CSMD1: variants seen among roughly 807,000 people sequenced by gnomAD.
The protein encoded by CSMD1 is CUB and Sushi multiple domains 1.
A neutral mutation model predicts 417.5 loss-of-function variants in CSMD1; 213 were observed. That is an observed-to-expected ratio of 0.51 (90% CI 0.46 to 0.57). CSMD1 has a LOEUF of 0.57. CSMD1 is among the 20% of genes least tolerant of loss of function. CSMD1 has a pLI of 0.00. For synonymous variants in CSMD1, 2,862 were observed against 1,736.8 expected (o/e 1.65, Z -16.11); for missense variants, 6,923 against 4,529.7 (o/e 1.53, Z -15.17).
intron 6 of CSMD1, among the ~76,000 whole-genome samples, chr8:3,728,206 T>C (rs1453004444): frequency 1.3e-5 from 2 of 152,178 alleles, no homozygotes; most frequent in Non-Finnish European, 2.9e-5. Context: ...ATAAGTCTCA[T>C]GTGATCTGAT....
intron 10 of CSMD1, among the ~76,000 whole-genome samples, chr8:3,555,145 C>T (rs1480099907): frequency 6.6e-6 from 1 of 151,756 alleles, no homozygotes; most frequent in East Asian, 2.0e-4. Flanking sequence ...TGAGCAAAAC[C>T]TAGGCCAGAA....
chr8:3,434,546 A>T lies in CSMD1; in HGVS notation c.1562-24941T>A, dbSNP rs555461004. On this transcript the variant is annotated intron_variant, in intron 12 of 69. Coordinates refer to ENST00000635120, the MANE Select transcript of CSMD1 (RefSeq NM_033225.6). ...TCTGCCTTGATTATGAAGTACAAAT[A>T]TTTCCTTCTAAATAGTGAACATAAT... Among the ~76,000 whole-genome samples, 24 of 152,264 alleles carry T rather than the reference A, an allele frequency of 1.6e-4. No individual in the cohort carries two copies. The South Asian group carries it at 1.7e-3, about 11-fold the overall frequency.
chr8:3,412,816 G>A lies in CSMD1; in HGVS notation c.1562-3211C>T, dbSNP rs1033952641. Among the ~76,000 whole-genome samples, 2 of 152,222 alleles carry A rather than the reference G, an allele frequency of 1.3e-5. 1 individual carries two copies. Among genetic ancestry groups the A allele is most frequent in the African/African-American group, 4.8e-5 (2 of 41,460 alleles). On this transcript the variant is annotated intron_variant, in intron 12 of 69. Transcript: ENST00000635120. ...GGGAATGGATTTACTTAAATTTAAT[G>A]CTTGGGATGCCTTGAATGAGCGTCT...
At chr8:3,593,928 A>G (rs970644188) in intron 8 of CSMD1, among the ~76,000 whole-genome samples, 1 of 152,110 alleles carries the variant, frequency 6.6e-6, no homozygotes, top group Non-Finnish European at 1.5e-5. Flanking sequence ...ACGTAGAATC[A>G]GTTATATGGG....
chr8:3,845,957 C>T (rs1803474744), intron 5 of CSMD1, among the ~76,000 whole-genome samples: 1 of 152,012 alleles, frequency 6.6e-6, no homozygotes, highest in South Asian at 2.1e-4. Flanking sequence ...CCACTGCAGG[C>T]TCCTCAGGGG....
At chr8:4,796,269 A>G (rs551713593) in intron 1 of CSMD1, among the ~76,000 whole-genome samples, 1 of 152,086 alleles carries the variant, frequency 6.6e-6, no homozygotes, top group African/African-American at 2.4e-5. Context: ...TGGAACAAGG[A>G]GCTGGCCAGA....
At chr8:3,077,337 C>T (rs1813755859) in intron 49 of CSMD1, among the ~76,000 whole-genome samples, 1 of 152,154 alleles carries the variant, frequency 6.6e-6, no homozygotes, top group Non-Finnish European at 1.5e-5. Context: ...TGCCTGGGGA[C>T]TGAGCCCTGA....
intron 48 of CSMD1, 84 bp from the exon 49 acceptor site, chr8:3,087,369 G>C: frequency 2.9e-6 from 4 of 1,359,818 alleles, no homozygotes; most frequent in African/African-American, 1.4e-5. Flanking sequence ...GTCTATAAAT[G>C]AATGGCTTCT....
chr8:3,730,321 G>A (rs1802769512), intron 6 of CSMD1, among the ~76,000 whole-genome samples: 1 of 150,626 alleles, frequency 6.6e-6, no homozygotes, highest in Non-Finnish European at 1.5e-5. Context: ...GTAGATAAAT[G>A]AACACACTGA....
At chr8:3,985,849 G>C (rs1436636457) in intron 5 of CSMD1, among the ~76,000 whole-genome samples, 6 of 151,436 alleles carry the variant, frequency 4.0e-5, no homozygotes, top group Non-Finnish European at 5.9e-5. Flanking sequence ...TGTACCCTAG[G>C]TCTGTCTGAG....
intron 3 of CSMD1, among the ~76,000 whole-genome samples, chr8:4,086,596 C>A (rs1425443454): frequency 6.6e-6 from 1 of 152,162 alleles, no homozygotes; most frequent in South Asian, 2.1e-4. Flanking sequence ...TGCAGCTTAA[C>A]CTTGAATAAA....
At chr8:3,809,103 CG>C (rs1800915399) in intron 5 of CSMD1, among the ~76,000 whole-genome samples, 4 of 152,250 alleles carry the variant, frequency 2.6e-5, no homozygotes, top group Admixed American at 2.6e-4. Context: ...AACCTGCCAC[CG>C]GGCACATGCT....
rs551847575 is a variant in CSMD1 at position 4,036,863 on chromosome 8, G to A, written c.416-4764C>T. Among the ~76,000 whole-genome samples the A allele has an allele frequency of 1.6e-4, 25 of 152,284 alleles. 1 individual carries two copies. In the South Asian group the frequency reaches 3.7e-3, roughly 23 times the overall value. On this transcript the variant is annotated intron_variant, in intron 3 of 69. Transcript: ENST00000635120. ...CCTGTTCTTACCATCTCTGCATGAG[G>A]TATGTCCAGTTTCCTCCATATCCCA...
At position 4,937,754 on chromosome 8, in the gene CSMD1, T is replaced by C. The variant is rs1807719797; in HGVS notation, c.85+56578A>G. ...AGAGTAAGATAAGTGTGATCTGATCTAGAGAGAAGTTTCTCACACAGTGGC... is the reference window on the plus strand; with the variant it reads ...AGAGTAAGATAAGTGTGATCTGATCCAGAGAGAAGTTTCTCACACAGTGGC... On this transcript the variant is annotated intron_variant, in intron 1 of 69. Coordinates refer to ENST00000635120, the MANE Select transcript of CSMD1 (RefSeq NM_033225.6). 2.0e-5 allele frequency among the ~76,000 whole-genome samples: 3 copies of C among 151,574 alleles called. No homozygotes were observed. The East Asian group carries it at 5.9e-4, about 30-fold the overall frequency.
intron 4 of CSMD1, among the ~76,000 whole-genome samples, chr8:4,005,254 A>T (rs1268583391): frequency 1.3e-5 from 2 of 151,034 alleles, no homozygotes; most frequent in Non-Finnish European, 3.0e-5. Context: ...TTATGTAACC[A>T]AACACCATCT....
chr8:4,491,973 T>C (rs918536684), intron 2 of CSMD1, among the ~76,000 whole-genome samples: 3 of 151,936 alleles, frequency 2.0e-5, no homozygotes, highest in African/African-American at 7.3e-5. Context: ...AACCAAGACA[T>C]TCATTAATAG....
intron 4 of CSMD1, among the ~76,000 whole-genome samples, chr8:4,006,823 ATTT>A (rs759780050): frequency 3.1e-5 from 3 of 95,958 alleles, no homozygotes; most frequent in African/African-American, 4.2e-5. Context: ...GACTTTTCCT[ATTT>A]TTTTTTTTTT....
At chr8:3,972,742 G>C (rs903875730) in intron 5 of CSMD1, among the ~76,000 whole-genome samples, 7 of 152,152 alleles carry the variant, frequency 4.6e-5, no homozygotes, top group Non-Finnish European at 8.8e-5. Flanking sequence ...CACAGCACCA[G>C]CTAAAAGCAT....
chr8:4,884,997 A>T (rs2116973491), intron 1 of CSMD1, among the ~76,000 whole-genome samples: 1 of 152,234 alleles, frequency 6.6e-6, no homozygotes, highest in Middle Eastern at 3.4e-3. Flanking sequence ...CATCCTATTT[A>T]TTTAGGTCTT....
Sources: allele counts gnomAD v4.1 joint callset (sites outside exome capture counted in the v4.1 genomes callset), GRCh38; gene constraint gnomAD v4.1.1; transcripts MANE v1.5; gene names NCBI Gene and HGNC (gene_info 2026-07-23, HGNC 2026-07-21).